MAP3K7CL: variants seen among roughly 807,000 people sequenced by gnomAD.
MAP3K7CL encodes the protein MAP3K7 C-terminal-like protein.
In MAP3K7CL, 16 loss-of-function variants were observed where a neutral mutation model predicts 18.6. The ratio of observed to expected loss-of-function variants is 0.86; its 90% CI spans 0.58 to 1.31. The LOEUF is 1.31. MAP3K7CL is among the 50% of genes most tolerant of loss of function. The pLI, the probability that MAP3K7CL is intolerant of heterozygous loss-of-function variation, is 0.00. For synonymous variants in MAP3K7CL, 65 were observed against 66.8 expected (o/e 0.97, Z 0.13); for missense variants, 163 against 174.4 (o/e 0.93, Z 0.37).
intron 4 of MAP3K7CL, among the ~76,000 whole-genome samples, chr21:29,123,894 A>C (rs1174886265): frequency 6.6e-6 from 1 of 152,222 alleles, no homozygotes; most frequent in African/African-American, 2.4e-5. Flanking sequence ...ATCTATCTAT[A>C]CTATAATAAC....
At chr21:29,092,494 G>T in exon 4 of MAP3K7CL, 1 of 1,614,250 alleles carries the variant, frequency 6.2e-7, no homozygotes, top group Non-Finnish European at 8.5e-7. Context: ...CAATCCAAAG[G>T]TCAGCAAGTT....
chr21:29,147,728 A>G (rs2087168625), intron 2 of MAP3K7CL, among the ~76,000 whole-genome samples: 4 of 151,588 alleles, frequency 2.6e-5, no homozygotes, highest in South Asian at 4.2e-4. Context: ...TTGTATATGT[A>G]TGTGTACTGT....
At chr21:29,133,220 A>C (rs548434738) in intron 1 of MAP3K7CL, 86 bp from the exon 2 acceptor site, 2 of 939,320 alleles carry the variant, frequency 2.1e-6, no homozygotes, top group African/African-American at 3.3e-5. Context: ...AACCTTAATA[A>C]CTTCACCTGT....
chr21:29,166,218 C>A (rs2087684417), intron 4 of MAP3K7CL, among the ~76,000 whole-genome samples: 1 of 152,236 alleles, frequency 6.6e-6, no homozygotes, highest in Admixed American at 6.5e-5. Context: ...TCAATGAGAT[C>A]AACTTTTTTA....
At chr21:29,092,357 G>GA (rs1212468198) in intron 3 of MAP3K7CL, 2 of 1,540,562 alleles carry the variant, frequency 1.3e-6, no homozygotes, top group Admixed American at 1.7e-5. Context: ...TCTTCTCAGG[G>GA]AAAAAAAGAA....
At chr21:29,108,957 C>A in intron 4 of MAP3K7CL, 1 of 1,237,986 alleles carries the variant, frequency 8.1e-7, no homozygotes, top group Non-Finnish European at 1.1e-6. Flanking sequence ...TGGTTACAGT[C>A]TTGAAGGTCA....
At chr21:29,078,183 C>T (rs2085779981) in intron 1 of MAP3K7CL, among the ~76,000 whole-genome samples, 1 of 151,918 alleles carries the variant, frequency 6.6e-6, no homozygotes, top group South Asian at 2.1e-4. Context: ...TTGTTTATTT[C>T]ATGTTACTAT....
At chr21:29,100,903 A>G (rs956952343) in intron 4 of MAP3K7CL, among the ~76,000 whole-genome samples, 7 of 151,584 alleles carry the variant, frequency 4.6e-5, no homozygotes, top group East Asian at 1.9e-4. Context: ...TAGTAGAGAC[A>G]GGGTTTCACC....
Position 29,143,044 on chromosome 21 carries a change from G to T in MAP3K7CL, c.71-6145G>T, listed in dbSNP as rs75911902. 8.1e-4 allele frequency among the ~76,000 whole-genome samples: 123 copies of T among 152,312 alleles called. 2 individuals carry two copies. In the East Asian group the frequency reaches 0.023, roughly 29 times the overall value. On this transcript the variant is annotated intron_variant, in intron 2 of 4. Transcript: ENST00000399928. Reference sequence around the variant, plus strand: ...TCACTTGCCTTGTAAGTGTCAGTTTGTCCCTGGTGACCTGCAGGACAATTT... The same window carrying T: ...TCACTTGCCTTGTAAGTGTCAGTTTTTCCCTGGTGACCTGCAGGACAATTT...
intron 2 of MAP3K7CL, among the ~76,000 whole-genome samples, chr21:29,141,180 G>C (rs2086998678): frequency 6.6e-6 from 1 of 152,178 alleles, no homozygotes; most frequent in Non-Finnish European, 1.5e-5. Context: ...CTCACAAAAT[G>C]ATAGCTACAA....
chr21:29,079,476 C>G (rs192031393), intron 1 of MAP3K7CL, among the ~76,000 whole-genome samples: 9 of 152,370 alleles, frequency 5.9e-5, no homozygotes, highest in Admixed American at 2.0e-4. Context: ...ACCACTCCCC[C>G]CAGAAAGGTC....
chr21:29,164,677 C>A (rs2087641555), intron 4 of MAP3K7CL, among the ~76,000 whole-genome samples: 1 of 152,172 alleles, frequency 6.6e-6, no homozygotes, highest in South Asian at 2.1e-4. Flanking sequence ...TCAGCATTGG[C>A]TGAATCCAAT....
intron 3 of MAP3K7CL, among the ~76,000 whole-genome samples, chr21:29,150,514 C>A (rs1024522215): frequency 4.6e-5 from 7 of 152,154 alleles, no homozygotes; most frequent in Admixed American, 4.6e-4. Context: ...GTAGGTATTA[C>A]TGAAAATTGT....
In MAP3K7CL at chr21:29,133,303, C is replaced by T. The variant is rs1457476079; in HGVS notation, c.-39-3C>T. On this transcript the variant is annotated splice_region_variant and splice_polypyrimidine_tract_variant and intron_variant, in intron 1 of 4. Transcript: ENST00000399928. ...TGACAATGGCTCTCTCTTGCTGTCA[C>T]AGCTGGAAGACCCAGGAGAAGGCGG... 4.5e-6 allele frequency: 7 copies of T among 1,549,184 alleles called. No homozygotes were observed. Among genetic ancestry groups the T allele is most frequent in the Non-Finnish European group, 6.1e-6 (7 of 1,145,990 alleles).
intron 4 of MAP3K7CL, among the ~76,000 whole-genome samples, chr21:29,117,427 A>C (rs1458719464): frequency 1.3e-5 from 2 of 152,260 alleles, no homozygotes; most frequent in African/African-American, 4.8e-5. Context: ...GAAATATCTG[A>C]TGCTCCATTT....
chr21:29,103,529 G>A (rs775544494), intron 4 of MAP3K7CL, among the ~76,000 whole-genome samples: 1 of 152,146 alleles, frequency 6.6e-6, no homozygotes, highest in African/African-American at 2.4e-5. Flanking sequence ...TCAGGAGTTC[G>A]AGACCAGTCT....
intron 3 of MAP3K7CL, among the ~76,000 whole-genome samples, chr21:29,153,203 G>A (rs1306761057): frequency 3.9e-5 from 6 of 152,186 alleles, no homozygotes; most frequent in African/African-American, 1.4e-4. Flanking sequence ...AGAGACCGCA[G>A]GAGAAGGTAG....
upstream of MAP3K7CL, among the ~76,000 whole-genome samples, chr21:29,084,357 A>G (rs758906700): frequency 1.4e-4 from 21 of 152,184 alleles, no homozygotes; most frequent in African/African-American, 4.1e-4. Context: ...CTTAAGGTCT[A>G]CACACTAATT....
chr21:29,151,320 G>C (rs1457931246), intron 3 of MAP3K7CL, among the ~76,000 whole-genome samples: 1 of 151,714 alleles, frequency 6.6e-6, no homozygotes, highest in Non-Finnish European at 1.5e-5. Context: ...AGCCAGGTGT[G>C]GTGGCACACA....
Sources: gnomAD v4.1 joint callset for allele counts (sites outside exome capture counted in the v4.1 genomes callset) on GRCh38, gnomAD v4.1.1 for gene constraint, MANE v1.5 for transcripts, NCBI Gene and HGNC (gene_info 2026-07-23, HGNC 2026-07-21) for gene names.